Variants in TENM3 observed in about 807,000 individuals in gnomAD.
TENM3 encodes teneurin-3.
Under a neutral mutation model 255.1 loss-of-function variants are expected in TENM3, and 63 were observed. The observed-to-expected ratio is 0.25, with a 90% confidence interval of 0.20 to 0.30. TENM3 has a LOEUF of 0.30. TENM3 is among the 10% of genes least tolerant of loss of function. The probability of loss-of-function intolerance (pLI) is 1.00; values close to 1 mark genes in which losing one functional copy is unlikely to be tolerated. For synonymous variants in TENM3, 1,306 were observed against 1,322.3 expected, an observed-to-expected ratio of 0.99 and a Z score of 0.27; for missense variants, 2,929 against 3,461.1, an observed-to-expected ratio of 0.85 and a Z score of 3.86.
chr4:181,740,871 T>TA, the TENM3 span, among the ~76,000 whole-genome samples: 1 of 152,170 alleles, frequency 6.6e-6, no homozygotes, highest in African/African-American at 2.4e-5. Context: ...TACTTTGCTG[T>TA]ACCTACTGTT....
intron 3 of TENM3, among the ~76,000 whole-genome samples, chr4:182,588,025 G>A (rs549964995): frequency 6.6e-6 from 1 of 151,924 alleles, no homozygotes; most frequent in Non-Finnish European, 1.5e-5. Flanking sequence ...TCCCTTAAAT[G>A]TTTTATATGT....
At chr4:182,758,564 A>G (rs1762898187) in intron 22 of TENM3, among the ~76,000 whole-genome samples, 1 of 152,102 alleles carries the variant, frequency 6.6e-6, no homozygotes, top group African/African-American at 2.4e-5. Context: ...GGGCTTCTGA[A>G]TCCCCGTCGG....
chr4:182,738,337 A>G (rs1761329391), intron 17 of TENM3, 64 bp from the exon 18 acceptor site: 5 of 1,459,006 alleles, frequency 3.4e-6, no homozygotes, highest in Admixed American at 2.3e-5. Flanking sequence ...TTTTCCAAGT[A>G]AGAAAATAAA....
At chr4:181,543,553 C>T in the TENM3 span, among the ~76,000 whole-genome samples, 8 of 149,588 alleles carry the variant, frequency 5.3e-5, no homozygotes, top group Non-Finnish European at 1.0e-4. Flanking sequence ...TGTCTTGCAC[C>T]GTGCTTTTCT....
chr4:182,680,484 C>T, intron 9 of TENM3, 59 bp from the exon 10 acceptor site: 2 of 1,585,908 alleles, frequency 1.3e-6, no homozygotes, highest in African/African-American at 1.4e-5. Context: ...TGTGTCTTTT[C>T]TTTCGGAAGC....
At chr4:181,525,718 C>T in the TENM3 span, among the ~76,000 whole-genome samples, 1 of 152,184 alleles carries the variant, frequency 6.6e-6, no homozygotes. Flanking sequence ...GGTTGACCAG[C>T]TTATTGAATA....
chr4:182,398,374 T>C (rs1171587006), intron 3 of TENM3, among the ~76,000 whole-genome samples: 1 of 152,156 alleles, frequency 6.6e-6, no homozygotes, highest in Non-Finnish European at 1.5e-5. Context: ...GGGGTTACTG[T>C]AGTTACTGAA....
At chr4:182,064,811 G>A in the TENM3 span, among the ~76,000 whole-genome samples, 10 of 152,020 alleles carry the variant, frequency 6.6e-5, no homozygotes, top group Non-Finnish European at 1.3e-4. Context: ...AGGAGTGTTC[G>A]GGAAAGAAAA....
the TENM3 span, among the ~76,000 whole-genome samples, chr4:181,548,040 A>G: frequency 0.095 from 14,374 of 151,144 alleles, 898 homozygotes; most frequent in African/African-American, 0.16. Context: ...ATTCCCACCT[A>G]TAAGTGAGAA....
At chr4:182,716,807 G>A (rs1759214759) in intron 13 of TENM3, among the ~76,000 whole-genome samples, 1 of 152,112 alleles carries the variant, frequency 6.6e-6, no homozygotes, top group African/African-American at 2.4e-5. Context: ...TAGGATATAT[G>A]GTGACTGATT....
intron 3 of TENM3, among the ~76,000 whole-genome samples, chr4:182,448,256 G>A (rs1294318288): frequency 1.3e-5 from 2 of 152,234 alleles, no homozygotes; most frequent in Non-Finnish European, 2.9e-5. Flanking sequence ...TGGCGGAGAG[G>A]CGGTGGCCGA....
At chr4:181,976,283 C>G in the TENM3 span, 1 of 152,152 alleles carries the variant, frequency 6.6e-6, no homozygotes, top group East Asian at 1.9e-4. Flanking sequence ...CCATGCCCGG[C>G]TAGTTTTTGT....
chr4:182,423,537 T>G (rs1281559461), intron 3 of TENM3, among the ~76,000 whole-genome samples: 6 of 152,240 alleles, frequency 3.9e-5, no homozygotes, highest in Middle Eastern at 3.4e-3. Flanking sequence ...CCCAATGACT[T>G]TTAGTCAACA....
chr4:182,468,824 T>TTTTG (rs1180458928), intron 3 of TENM3, among the ~76,000 whole-genome samples: 3 of 143,778 alleles, frequency 2.1e-5, no homozygotes, highest in Non-Finnish European at 4.5e-5. Context: ...TCCTGTGTGC[T>TTTTG]TGTGTGTGTG....
chr4:181,461,381 A>T, the TENM3 span, among the ~76,000 whole-genome samples: 1 of 152,030 alleles, frequency 6.6e-6, no homozygotes, highest in Non-Finnish European at 1.5e-5. Context: ...ATTGCATTTA[A>T]AATTGATTGG....
At chr4:182,343,966 T>C (rs1303704442) in intron 2 of TENM3, among the ~76,000 whole-genome samples, 1 of 152,162 alleles carries the variant, frequency 6.6e-6, no homozygotes, top group African/African-American at 2.4e-5. Flanking sequence ...TAAGTAAAAC[T>C]CAACTTTGGT....
At chr4:182,621,403 T>A (rs1318762559) in intron 4 of TENM3, among the ~76,000 whole-genome samples, 1 of 150,706 alleles carries the variant, frequency 6.6e-6, no homozygotes, top group Non-Finnish European at 1.5e-5. Flanking sequence ...CAAAAGTACC[T>A]CTTCTCTGTG....
intron 1 of TENM3, among the ~76,000 whole-genome samples, chr4:182,161,138 C>G (rs541574621): frequency 8.1e-6 from 1 of 124,058 alleles, no homozygotes; most frequent in Non-Finnish European, 1.7e-5. Flanking sequence ...AATTAGCGGC[C>G]GGGCGCGGTG....
the TENM3 span, among the ~76,000 whole-genome samples, chr4:181,655,048 G>A: frequency 6.6e-6 from 1 of 152,206 alleles, no homozygotes; most frequent in East Asian, 1.9e-4. Context: ...AGAGATGAGA[G>A]TAATCGACTG....
Sources: gnomAD v4.1 joint callset for allele counts (sites outside exome capture counted in the v4.1 genomes callset) on GRCh38, gnomAD v4.1.1 for gene constraint, MANE v1.5 for transcripts, NCBI Gene and HGNC (gene_info 2026-07-23, HGNC 2026-07-21) for gene names.